The following ZSWIM5 variants were observed in gnomAD, a reference collection of about 807,000 sequenced individuals.
ZSWIM5 encodes zinc finger SWIM-type containing 5.
ZSWIM5 carries 55 observed loss-of-function variants against 119.6 expected under a neutral mutation model. That is an observed-to-expected ratio of 0.46 (90% CI 0.37 to 0.58). The LOEUF (loss-of-function observed/expected upper bound fraction) is 0.58. Among genes scored for constraint, ZSWIM5 ranks in the 20% least tolerant of loss-of-function variants. The pLI, the probability that ZSWIM5 is intolerant of heterozygous loss-of-function variation, is 0.00. For missense variants in ZSWIM5, 1,193 were observed against 1,512.8 expected, an observed-to-expected ratio of 0.79 and a Z score of 3.51; for synonymous variants, 537 against 606.9, an observed-to-expected ratio of 0.88 and a Z score of 1.69.
At chr1:45,114,899 T>C (rs1338905103) in intron 1 of ZSWIM5, among the ~76,000 whole-genome samples, 9 of 152,332 alleles carry the variant, frequency 5.9e-5, no homozygotes, top group South Asian at 2.1e-4. Context: ...CATCTTGCAC[T>C]GCCCTTAATC....
chr1:45,104,593 C>T (rs147530027), intron 1 of ZSWIM5, among the ~76,000 whole-genome samples: 10 of 152,238 alleles, frequency 6.6e-5, no homozygotes, highest in Admixed American at 4.6e-4. Flanking sequence ...GGTGAGGGTG[C>T]GAGAGATTGC....
chr1:45,031,839 C>CAAAAA (rs71040536), intron 11 of ZSWIM5, among the ~76,000 whole-genome samples: 1 of 98,936 alleles, frequency 1.0e-5, no homozygotes, highest in African/African-American at 4.6e-5. Flanking sequence ...GACTCCATCT[C>CAAAAA]AAAAAAAAAA....
At chr1:45,021,104 C>T (rs1368057200) in intron 11 of ZSWIM5, among the ~76,000 whole-genome samples, 6 of 151,760 alleles carry the variant, frequency 4.0e-5, no homozygotes, top group African/African-American at 7.3e-5. Context: ...GGCTTGATCT[C>T]GGCTCACTGC....
At chr1:45,115,937 C>T (rs1402729038) in intron 1 of ZSWIM5, among the ~76,000 whole-genome samples, 4 of 152,318 alleles carry the variant, frequency 2.6e-5, no homozygotes, top group East Asian at 3.9e-4. Flanking sequence ...GCCGAGATCA[C>T]GCCACTGCAC....
intron 2 of ZSWIM5, among the ~76,000 whole-genome samples, chr1:45,065,317 G>A (rs1296026420): frequency 6.6e-6 from 1 of 152,210 alleles, no homozygotes; most frequent in Non-Finnish European, 1.5e-5. Flanking sequence ...TGACCCTGGG[G>A]TGGTTAAGTT....
chr1:45,157,025 A>C (rs1338934561), intron 1 of ZSWIM5, among the ~76,000 whole-genome samples: 1 of 152,098 alleles, frequency 6.6e-6, no homozygotes, highest in African/African-American at 2.4e-5. Context: ...TTATCCCAGA[A>C]AGTTCCCTCA....
At chr1:45,038,604 C>CTATTTTTTTTTTTT (rs1553188505) in intron 8 of ZSWIM5, among the ~76,000 whole-genome samples, 1 of 48,502 alleles carries the variant, frequency 2.1e-5, no homozygotes, top group African/African-American at 7.9e-5. Flanking sequence ...CGAGGGCAGT[C>CTATTTTTTTTTTTT]TTTTTTTTTT....
intron 5 of ZSWIM5, among the ~76,000 whole-genome samples, chr1:45,043,944 G>T (rs1645031855): frequency 6.6e-6 from 1 of 152,128 alleles, no homozygotes; most frequent in African/African-American, 2.4e-5. Context: ...AGAACTTTGG[G>T]TGGCTAAAGT....
At chr1:45,080,055 T>A (rs903394210) in intron 2 of ZSWIM5, among the ~76,000 whole-genome samples, 1 of 151,702 alleles carries the variant, frequency 6.6e-6, no homozygotes, top group African/African-American at 2.4e-5. Context: ...AGGGACGGGG[T>A]CTCTTTTGGA....
intron 1 of ZSWIM5, among the ~76,000 whole-genome samples, chr1:45,130,907 T>G (rs895364170): frequency 6.6e-6 from 1 of 152,172 alleles, no homozygotes; most frequent in African/African-American, 2.4e-5. Flanking sequence ...TAAAAAAACA[T>G]GCAATTGATA....
chr1:45,043,238 T>A lies in ZSWIM5; in HGVS notation c.1590A>T (p.Gln530His), dbSNP rs551971084. 1.9e-6 allele frequency: 3 copies of A among 1,613,828 alleles called. No homozygotes were observed. The South Asian group carries it at 3.3e-5, about 18-fold the overall frequency. Residue 530 changes from glutamine to histidine, a missense_variant, in exon 6 of 14, where the codon CAA becomes CAT. By Grantham distance (24) the Gln-to-His change is conservative (BLOSUM62 0). Transcript: ENST00000359600. ...ACTTACCAAGCCACAGTGGCTGGCC[T>A]TGGGAATTAAAGAGTAGTCTTTCAC... Reference protein sequence around the residue: ...RESERLLFNSQGQPLWLEHVP... With the variant: ...RESERLLFNSHGQPLWLEHVP...
chr1:45,072,134 GAT>G lies in ZSWIM5; in HGVS notation c.953-11889_953-11888del, dbSNP rs1378088458. ...TAAGCCATTTTTACTGAGGTGAGAT[GAT>G]ATGTCATTGTGGTTTTGATTTGCAT... On this transcript the variant is annotated intron_variant, in intron 2 of 13. Transcript: ENST00000359600. This position sits in a 1 kb window ranked among gnomAD's most constrained non-coding sequence, Gnocchi z 4.1. Among the ~76,000 whole-genome samples the G allele has an allele frequency of 2.7e-5, 4 of 150,536 alleles. No individual in the cohort carries two copies. Among genetic ancestry groups the G allele is most frequent in the Admixed American group, 6.6e-5 (1 of 15,246 alleles).
chr1:45,056,577 C>T (rs548984358), intron 4 of ZSWIM5, among the ~76,000 whole-genome samples: 15 of 148,512 alleles, frequency 1.0e-4, no homozygotes, highest in African/African-American at 3.7e-4. Context: ...CGCCACTGCA[C>T]TCCATCCTGG....
At position 45,099,462 on chromosome 1, in the gene ZSWIM5, C is replaced by A. The variant is rs1352661328; in HGVS notation, c.596-11225G>T. ...CAGATGGATTCACAGCCGAACTCTA[C>A]CAGAGGTACAAAGAGGAGCTGGTAC... On this transcript the variant is annotated intron_variant, in intron 1 of 13. Coordinates refer to ENST00000359600, the MANE Select transcript of ZSWIM5 (RefSeq NM_020883.2). Among the ~76,000 whole-genome samples the A allele has an allele frequency of 2.6e-5, 4 of 152,136 alleles. No individual in the cohort carries two copies. The South Asian group carries it at 8.3e-4, about 32-fold the overall frequency.
intron 8 of ZSWIM5, among the ~76,000 whole-genome samples, chr1:45,038,541 GA>G (rs988432241): frequency 3.6e-5 from 5 of 139,878 alleles, no homozygotes; most frequent in African/African-American, 7.8e-5. Flanking sequence ...ACAAGAGGGG[GA>G]AAAAACTTCA....
chr1:45,033,703 A>C (rs1644965699), intron 11 of ZSWIM5, among the ~76,000 whole-genome samples: 1 of 152,038 alleles, frequency 6.6e-6, no homozygotes, highest in African/African-American at 2.4e-5. Flanking sequence ...CAGGTCATTG[A>C]CAATGATCCC....
Position 45,019,267 on chromosome 1 carries a change from G to T in ZSWIM5, c.2745C>A (p.Thr915=). 6.2e-7 allele frequency: 1 copy of T among 1,613,782 alleles called. No homozygotes were observed. ...SILQSWYTLF[T]PTEATSIVAA... ...CTACAATACTAGTAGCCTCAGTAGG[G>T]GTGAAGAGTGTGTACCAGCTCTGCA... is the stretch of plus-strand genomic sequence containing the variant. The change falls in exon 14 of 14, where the codon ACC becomes ACA. Residue 915 remains threonine, a synonymous_variant. Transcript: ENST00000359600. The surrounding 1 kb of genome is among the most constrained non-coding windows in gnomAD (Gnocchi z 5.0).
At chr1:45,180,308 C>T (rs1196608516) in intron 1 of ZSWIM5, among the ~76,000 whole-genome samples, 2 of 152,128 alleles carry the variant, frequency 1.3e-5, no homozygotes, top group African/African-American at 4.8e-5. Flanking sequence ...GAGGGTCCTA[C>T]CCACGGAGTC....
In ZSWIM5 at chr1:45,019,187, T is replaced by C. The variant is rs1644872654; in HGVS notation, c.2825A>G (p.Gln942Arg). 6.2e-7 allele frequency: 1 copy of C among 1,613,660 alleles called. No individual in the cohort carries two copies. Among genetic ancestry groups the C allele is most frequent in the Non-Finnish European group, 8.5e-7 (1 of 1,180,024 alleles). ...TILRLSLDYP[Q>R]REELASCART... ...AGCACAGCTAGCCAGTTCCTCCCGC[T>C]GTGGATAGTCAAGACTGAGGCGCAG... Residue 942 changes from glutamine (Q) to arginine (R), a missense_variant, in exon 14 of 14, where the codon CAG becomes CGG. Coordinates refer to ENST00000359600, the MANE Select transcript of ZSWIM5 (RefSeq NM_020883.2). The surrounding 1 kb of genome is among the most constrained non-coding windows in gnomAD (Gnocchi z 5.0).
Sources: gnomAD v4.1 joint callset for allele counts (sites outside exome capture counted in the v4.1 genomes callset) on GRCh38, gnomAD v4.1.1 for gene constraint, Gnocchi (gnomAD v3.1) non-coding constraint, MANE v1.5 for transcripts, NCBI Gene and HGNC (gene_info 2026-07-23, HGNC 2026-07-21) for gene names.